Variants in AKAP6 observed in about 807,000 individuals in gnomAD.
AKAP6 encodes the protein A-kinase anchoring protein 6.
In AKAP6, 58 loss-of-function variants were observed where a neutral mutation model predicts 188.5. That is an observed-to-expected ratio of 0.31 (90% CI 0.25 to 0.38). AKAP6 has a LOEUF of 0.38. Ranked by LOEUF, AKAP6 falls within the 10% of genes least tolerant of loss-of-function variation. The probability of loss-of-function intolerance (pLI) is 1.00; values close to 1 mark genes in which losing one functional copy is unlikely to be tolerated. For missense variants in AKAP6, 2,710 were observed against 2,740.0 expected (o/e 0.99, Z 0.24); for synonymous variants, 989 against 998.6 (o/e 0.99, Z 0.18).
At chr14:32,756,843 C>T (rs577308355) in intron 11 of AKAP6, among the ~76,000 whole-genome samples, 1 of 152,210 alleles carries the variant, frequency 6.6e-6, no homozygotes, top group East Asian at 1.9e-4. Flanking sequence ...TGGATAGCAG[C>T]CTCCTGCCTA....
intron 2 of AKAP6, among the ~76,000 whole-genome samples, chr14:32,461,911 A>T (rs771085648): frequency 1.8e-4 from 27 of 151,912 alleles, no homozygotes; most frequent in Non-Finnish European, 3.4e-4. Flanking sequence ...CTGAAAACAC[A>T]GCATGAGAAC....
At chr14:32,373,903 A>C (rs1888084636) in intron 1 of AKAP6, among the ~76,000 whole-genome samples, 1 of 152,200 alleles carries the variant, frequency 6.6e-6, no homozygotes, top group Admixed American at 6.5e-5. Flanking sequence ...CCCTTACTCC[A>C]TAATTATAGA....
chr14:32,378,849 C>T (rs1250993033), intron 1 of AKAP6, among the ~76,000 whole-genome samples: 2 of 151,556 alleles, frequency 1.3e-5, no homozygotes, highest in Non-Finnish European at 2.9e-5. Context: ...TAATACTTAT[C>T]TAATAGAGCA....
At chr14:32,548,154 T>G (rs1032997523) in intron 4 of AKAP6, among the ~76,000 whole-genome samples, 2 of 140,706 alleles carry the variant, frequency 1.4e-5, no homozygotes, top group East Asian at 4.2e-4. Flanking sequence ...CAGGCTGGAG[T>G]GGAATGGCAC....
At chr14:32,499,240 G>A (rs1880480096) in intron 2 of AKAP6, among the ~76,000 whole-genome samples, 1 of 144,664 alleles carries the variant, frequency 6.9e-6, no homozygotes, top group African/African-American at 2.5e-5. Flanking sequence ...TTCACCTTAT[G>A]ATTATTTGTT....
At chr14:32,459,741 A>ATT (rs71432056) in intron 2 of AKAP6, among the ~76,000 whole-genome samples, 50,872 of 147,518 alleles carry the variant, frequency 0.34, 10,187 homozygotes, top group Non-Finnish European at 0.47. Flanking sequence ...TTGTCAACTG[A>ATT]TTTTTTTTTT....
intron 1 of AKAP6, among the ~76,000 whole-genome samples, chr14:32,350,352 A>G (rs1207482244): frequency 6.6e-6 from 1 of 152,206 alleles, no homozygotes. Context: ...ATTCATTTTA[A>G]TTATCAGAAA....
chr14:32,672,568 T>C (rs1566638312), intron 7 of AKAP6, among the ~76,000 whole-genome samples: 1 of 152,174 alleles, frequency 6.6e-6, no homozygotes, highest in South Asian at 2.1e-4. Flanking sequence ...TTCTATTGGA[T>C]TGGGACCCCC....
At chr14:32,584,473 G>T (rs916629754) in intron 5 of AKAP6, among the ~76,000 whole-genome samples, 3 of 152,176 alleles carry the variant, frequency 2.0e-5, no homozygotes, top group African/African-American at 7.2e-5. Context: ...AACTGAAACT[G>T]AAGATGCAAA....
chr14:32,422,474 A>G (rs1889881448), intron 1 of AKAP6, among the ~76,000 whole-genome samples: 1 of 152,192 alleles, frequency 6.6e-6, no homozygotes, highest in Non-Finnish European at 1.5e-5. Context: ...GAAATCTTCC[A>G]GGCCCTCAGG....
rs755188518 is a variant in AKAP6, at chr14:32,823,269, G to A, written c.5456G>A (p.Cys1819Tyr). The A allele has an allele frequency of 3.1e-6, 5 of 1,613,744 alleles. No homozygotes were observed. The highest frequency in any genetic ancestry group is 8.5e-7 in the Non-Finnish European group (1 of 1,179,886). ...TCTTTGACAAGAGATAAGAAAAGGT[G>A]CAATGTCAGTGATGAGATGAAGGGC... Reference protein sequence around the residue: ...KLSLTRDKKRCNVSDEMKGSK... With the variant: ...KLSLTRDKKRYNVSDEMKGSK... The change falls in exon 13 of 14, where the codon TGC (cysteine) becomes TAC (tyrosine). Residue 1819 changes from cysteine to tyrosine, a missense_variant. Physicochemically the swap from Cys to Tyr is radical, Grantham distance 194. Coordinates refer to ENST00000280979, the MANE Select transcript of AKAP6 (RefSeq NM_004274.5).
chr14:32,475,418 G>T (rs962053968), intron 2 of AKAP6, among the ~76,000 whole-genome samples: 1 of 152,124 alleles, frequency 6.6e-6, no homozygotes, highest in Non-Finnish European at 1.5e-5. Context: ...CCTTTTTAGT[G>T]AATGTTAGTT....
At chr14:32,486,986 G>C (rs545615792) in intron 2 of AKAP6, among the ~76,000 whole-genome samples, 2 of 152,298 alleles carry the variant, frequency 1.3e-5, no homozygotes, top group Non-Finnish European at 2.9e-5. Flanking sequence ...TGTGAGAAAT[G>C]CTCCATCAAT....
chr14:32,427,661 G>C (rs965243060), intron 1 of AKAP6, among the ~76,000 whole-genome samples: 7 of 152,174 alleles, frequency 4.6e-5, no homozygotes, highest in African/African-American at 1.7e-4. Flanking sequence ...TACACCTCTG[G>C]AGTTTCTTTC....
chr14:32,677,840 A>G (rs1056894916), intron 7 of AKAP6, among the ~76,000 whole-genome samples: 23 of 152,214 alleles, frequency 1.5e-4, no homozygotes, highest in African/African-American at 4.8e-5. Context: ...AGTAAAGTCT[A>G]TTGTGATTGT....
At chr14:32,349,730 C>T (rs1164640991) in intron 1 of AKAP6, among the ~76,000 whole-genome samples, 1 of 152,162 alleles carries the variant, frequency 6.6e-6, no homozygotes, top group African/African-American at 2.4e-5. Context: ...TGAAGGAACA[C>T]ATTAATGCCC....
At chr14:32,758,736 A>G (rs1322194014) in intron 11 of AKAP6, among the ~76,000 whole-genome samples, 1 of 152,226 alleles carries the variant, frequency 6.6e-6, no homozygotes, top group African/African-American at 2.4e-5. Flanking sequence ...TCCATCTCAA[A>G]AAAACAAACA....
At chr14:32,709,359 C>T (rs1890945891) in intron 9 of AKAP6, among the ~76,000 whole-genome samples, 1 of 151,914 alleles carries the variant, frequency 6.6e-6, no homozygotes, top group Non-Finnish European at 1.5e-5. Flanking sequence ...TCCCCGTCTG[C>T]TGTCCACACT....
At chr14:32,523,359 C>T (rs1201190380) in intron 2 of AKAP6, among the ~76,000 whole-genome samples, 1 of 152,052 alleles carries the variant, frequency 6.6e-6, no homozygotes, top group Admixed American at 6.6e-5. Flanking sequence ...CATGCTACAA[C>T]TCCCAATACA....
Sources: gnomAD v4.1 joint callset for allele counts (sites outside exome capture counted in the v4.1 genomes callset) on GRCh38, gnomAD v4.1.1 for gene constraint, MANE v1.5 for transcripts, NCBI Gene and HGNC (gene_info 2026-07-23, HGNC 2026-07-21) for gene names.